TGFA: variants seen among roughly 807,000 people sequenced by gnomAD.
The protein encoded by TGFA is transforming growth factor alpha.
Under a neutral mutation model 21.7 loss-of-function variants are expected in TGFA, and 12 were observed. The ratio of observed to expected loss-of-function variants is 0.55; its 90% CI spans 0.35 to 0.90. The LOEUF (loss-of-function observed/expected upper bound fraction) is 0.90. Ranked by LOEUF, TGFA falls within the 40% of genes least tolerant of loss-of-function variation. The pLI is 0.01. For synonymous variants in TGFA, 79 were observed against 88.1 expected, an observed-to-expected ratio of 0.90 and a Z score of 0.58; for missense variants, 178 against 210.8, an observed-to-expected ratio of 0.84 and a Z score of 0.96.
At position 70,543,207 on chromosome 2, in the gene TGFA, T is replaced by C. The variant is rs188877881; in HGVS notation, c.40+10521A>G. 1.9e-4 allele frequency among the ~76,000 whole-genome samples: 29 copies of C among 152,300 alleles called. No homozygotes were observed. The East Asian group carries it at 5.6e-3, about 29-fold the overall frequency. On this transcript the variant is annotated intron_variant, in intron 1 of 5. Coordinates refer to ENST00000295400, the MANE Select transcript of TGFA (RefSeq NM_003236.4). ...ATATGTCTTATCTTGGGGGCCTTGATACTTACTTTATTTCACATTTGTTAA... is the reference window on the plus strand; with the variant it reads ...ATATGTCTTATCTTGGGGGCCTTGACACTTACTTTATTTCACATTTGTTAA...
chr2:70,491,196 T>A (rs1671422784), intron 2 of TGFA, among the ~76,000 whole-genome samples: 1 of 152,024 alleles, frequency 6.6e-6, no homozygotes, highest in African/African-American at 2.4e-5. Context: ...GGACAATGAG[T>A]GGAGGTTCAG....
chr2:70,464,793 C>T (rs1256897428), intron 3 of TGFA, among the ~76,000 whole-genome samples: 1 of 152,222 alleles, frequency 6.6e-6, no homozygotes, highest in Non-Finnish European at 1.5e-5. Flanking sequence ...CTAAGCTGGT[C>T]TCCTCTCTGT....
chr2:70,552,893 C>T (rs1673557341), intron 1 of TGFA, among the ~76,000 whole-genome samples: 1 of 152,248 alleles, frequency 6.6e-6, no homozygotes, highest in Admixed American at 6.5e-5. Context: ...CCCACCAGCA[C>T]AAGGGGCAAG....
In TGFA at chr2:70,513,317, G is replaced by A. The variant is rs73939724; in HGVS notation, c.94+1542C>T. Among the ~76,000 whole-genome samples, 892 of 152,244 alleles carry A rather than the reference G, an allele frequency of 5.9e-3. 7 individuals are homozygous for A. The highest frequency in any genetic ancestry group is 0.021 in the African/African-American group (859 of 41,546). On this transcript the variant is annotated intron_variant, in intron 2 of 5. Coordinates refer to ENST00000295400, the MANE Select transcript of TGFA (RefSeq NM_003236.4). ...AGTGCATTCTAGAAAGGGGGTTGGG[G>A]CAATTCTGAGAATGGCATGGTGAAG...
rs115778502 is a variant in TGFA at position 70,544,937 on chromosome 2, G to A, written c.40+8791C>T. Among the ~76,000 whole-genome samples the A allele has an allele frequency of 2.6e-3, 401 of 152,116 alleles. 3 individuals carry two copies. In the East Asian group the frequency reaches 0.028, roughly 11 times the overall value. ...TACAAAAAATAGTTAGAAAGAATAA[G>A]ATCTAGTATTTGATAGCAGAACAGA... On this transcript the variant is annotated intron_variant, in intron 1 of 5. Coordinates refer to ENST00000295400, the MANE Select transcript of TGFA (RefSeq NM_003236.4).
intron 3 of TGFA, among the ~76,000 whole-genome samples, chr2:70,457,108 G>T (rs548714335): frequency 3.0e-4 from 46 of 152,206 alleles, no homozygotes; most frequent in Non-Finnish European, 5.9e-4. Context: ...AAGCAAGGTC[G>T]TGTCTGAATG....
intron 2 of TGFA, among the ~76,000 whole-genome samples, chr2:70,510,360 T>C (rs1268516760): frequency 7.9e-5 from 12 of 152,152 alleles, no homozygotes; most frequent in African/African-American, 2.7e-4. Flanking sequence ...CACCAATGGA[T>C]CAGTGCAGTA....
chr2:70,514,933 G>A lies in TGFA; in HGVS notation c.41-21C>T, dbSNP rs782739217. ...AATACCTGTTGGGTGGAGGAGAAGA[G>A]GGAAAAGGTCAGAGTCTGCTTGGCA... On this transcript the variant is annotated intron_variant, in intron 1 of 5. Transcript: ENST00000295400. 4.3e-6 allele frequency: 7 copies of A among 1,612,744 alleles called. No individual in the cohort carries two copies. The South Asian group carries it at 5.5e-5, about 13-fold the overall frequency.
intron 2 of TGFA, among the ~76,000 whole-genome samples, chr2:70,501,116 G>A (rs1329366228): frequency 1.3e-5 from 2 of 151,936 alleles, no homozygotes; most frequent in Non-Finnish European, 2.9e-5. Context: ...AGGGTCTTAA[G>A]TACATGAACT....
intron 2 of TGFA, among the ~76,000 whole-genome samples, chr2:70,472,827 C>A (rs1670799062): frequency 6.6e-6 from 1 of 152,234 alleles, no homozygotes; most frequent in Non-Finnish European, 1.5e-5. Flanking sequence ...CATTTACAGC[C>A]ATTTCATAAC....
chr2:70,538,749 T>C (rs895490113), intron 1 of TGFA, among the ~76,000 whole-genome samples: 6 of 152,234 alleles, frequency 3.9e-5, no homozygotes, highest in Admixed American at 3.3e-4. Flanking sequence ...GAAGATGCTG[T>C]GAACATTGTG....
intron 2 of TGFA, among the ~76,000 whole-genome samples, chr2:70,501,107 G>A (rs1286751894): frequency 1.3e-5 from 2 of 152,056 alleles, no homozygotes; most frequent in Non-Finnish European, 2.9e-5. Flanking sequence ...TATGCGATGA[G>A]GGTCTTAAGT....
chr2:70,495,630 G>T (rs1321070891), intron 2 of TGFA, among the ~76,000 whole-genome samples: 1 of 151,926 alleles, frequency 6.6e-6, no homozygotes, highest in Non-Finnish European at 1.5e-5. Flanking sequence ...ATTTCTACTT[G>T]GTCTATAGTC....
chr2:70,478,422 A>G (rs782329438), intron 2 of TGFA, among the ~76,000 whole-genome samples: 1 of 152,184 alleles, frequency 6.6e-6, no homozygotes, highest in African/African-American at 2.4e-5. Context: ...TTGACATAGA[A>G]GATGGATGCC....
chr2:70,551,329 A>G (rs780649045), intron 1 of TGFA, among the ~76,000 whole-genome samples: 19 of 152,216 alleles, frequency 1.2e-4, no homozygotes, highest in Non-Finnish European at 2.4e-4. Context: ...CAGCCACCAC[A>G]GGAACCTGGG....
chr2:70,492,332 C>G (rs3755379), intron 2 of TGFA, among the ~76,000 whole-genome samples: 8,744 of 152,248 alleles, frequency 0.057, 305 homozygotes, highest in Middle Eastern at 0.13. Context: ...GACTCTAGAG[C>G]AGGAATTAAT....
intron 1 of TGFA, among the ~76,000 whole-genome samples, chr2:70,528,969 G>C (rs562139214): frequency 6.6e-6 from 1 of 152,348 alleles, no homozygotes; most frequent in East Asian, 1.9e-4. Flanking sequence ...GTGGGACGAG[G>C]GGGGCTTTTA....
intron 2 of TGFA, among the ~76,000 whole-genome samples, chr2:70,485,245 C>A (rs143749696): frequency 6.6e-6 from 1 of 152,068 alleles, no homozygotes; most frequent in Non-Finnish European, 1.5e-5. Context: ...GTCATCCCCC[C>A]CCTTTCTTTT....
intron 2 of TGFA, among the ~76,000 whole-genome samples, chr2:70,496,760 T>C (rs1553498404): frequency 6.6e-6 from 1 of 152,202 alleles, no homozygotes; most frequent in African/African-American, 2.4e-5. Context: ...AAGTGTCTTG[T>C]ATGCGTCATG....
Sources: allele counts gnomAD v4.1 joint callset (sites outside exome capture counted in the v4.1 genomes callset), GRCh38; gene constraint gnomAD v4.1.1; transcripts MANE v1.5; gene names NCBI Gene and HGNC (gene_info 2026-07-23, HGNC 2026-07-21).